The following ADCY5 variants were observed in gnomAD, a reference collection of about 807,000 sequenced individuals.
ADCY5 encodes the protein adenylate cyclase type 5.
Under a neutral mutation model 119.7 loss-of-function variants are expected in ADCY5, and 30 were observed. The ratio of observed to expected loss-of-function variants is 0.25; its 90% CI spans 0.19 to 0.34. ADCY5 has a LOEUF of 0.34. Ranked by LOEUF, ADCY5 falls within the 10% of genes least tolerant of loss-of-function variation. ADCY5 has a pLI of 1.00. For missense variants in ADCY5, 1,324 were observed against 1,775.2 expected (o/e 0.75, Z 4.57); for synonymous variants, 753 against 762.2 (o/e 0.99, Z 0.20).
chr3:123,375,057 C>T (rs61597145), intron 1 of ADCY5, among the ~76,000 whole-genome samples: 10,044 of 152,246 alleles, frequency 0.066, 820 homozygotes, highest in East Asian at 0.25. Context: ...GGAATTAAGC[C>T]TCTCACCATC....
chr3:123,412,630 G>T (rs1253785576), intron 1 of ADCY5, among the ~76,000 whole-genome samples: 1 of 152,104 alleles, frequency 6.6e-6, no homozygotes, highest in African/African-American at 2.4e-5. Context: ...GGTTAATGGG[G>T]GTCTGGTGCA....
chr3:123,311,135 G>A (rs1356530266), intron 12 of ADCY5, among the ~76,000 whole-genome samples: 2 of 152,228 alleles, frequency 1.3e-5, no homozygotes, highest in South Asian at 2.1e-4. Context: ...ACACTAACTG[G>A]CTTGGGGGTA....
intron 1 of ADCY5, among the ~76,000 whole-genome samples, chr3:123,399,956 C>A (rs1367921254): frequency 6.6e-6 from 1 of 152,176 alleles, no homozygotes; most frequent in Non-Finnish European, 1.5e-5. Flanking sequence ...AAGGCAGCTG[C>A]ACAACTAAAG....
chr3:123,442,023 G>A (rs1375655630), intron 1 of ADCY5, among the ~76,000 whole-genome samples: 4 of 147,994 alleles, frequency 2.7e-5, no homozygotes, highest in Non-Finnish European at 5.9e-5. Context: ...TTGCAATTTT[G>A]TGTTTGGGAG....
intron 3 of ADCY5, among the ~76,000 whole-genome samples, chr3:123,337,375 C>T (rs1942073160): frequency 6.6e-6 from 1 of 152,194 alleles, no homozygotes; most frequent in Non-Finnish European, 1.5e-5. Context: ...TGAAAGGTGC[C>T]CCCGGTAGTT....
intron 1 of ADCY5, among the ~76,000 whole-genome samples, chr3:123,429,319 G>A (rs1274272379): frequency 3.9e-5 from 6 of 152,240 alleles, no homozygotes; most frequent in South Asian, 2.1e-4. Flanking sequence ...CCCAAAGACC[G>A]CTAGATGCCA....
intron 1 of ADCY5, among the ~76,000 whole-genome samples, chr3:123,438,285 A>G (rs543642383): frequency 2.6e-5 from 4 of 152,292 alleles, no homozygotes; most frequent in Admixed American, 2.6e-4. Context: ...TACCCATTAC[A>G]TATTAAAAGC....
chr3:123,373,537 A>G (rs763603030), intron 1 of ADCY5, among the ~76,000 whole-genome samples: 1 of 151,616 alleles, frequency 6.6e-6, no homozygotes, highest in Non-Finnish European at 1.5e-5. Context: ...CACAGAAACG[A>G]CTCCTTGCCC....
At chr3:123,314,870 TCTAAGCGCCACCC>T (rs1940819454) in intron 11 of ADCY5, among the ~76,000 whole-genome samples, 1 of 152,166 alleles carries the variant, frequency 6.6e-6, no homozygotes, top group South Asian at 2.1e-4. Flanking sequence ...GGGCAGAATC[TCTAAGCGCCACCC>T]CCTTTCCACC....
At chr3:123,431,579 T>C (rs1945523965) in intron 1 of ADCY5, among the ~76,000 whole-genome samples, 1 of 152,226 alleles carries the variant, frequency 6.6e-6, no homozygotes, top group Admixed American at 6.5e-5. Flanking sequence ...AGATGGTCAG[T>C]CTATCAGCCA....
At chr3:123,395,761 TA>T (rs1031123816) in intron 1 of ADCY5, among the ~76,000 whole-genome samples, 3 of 151,504 alleles carry the variant, frequency 2.0e-5, no homozygotes, top group African/African-American at 7.3e-5. Flanking sequence ...CATGTGCCTG[TA>T]GTCCCAGCTA....
intron 1 of ADCY5, among the ~76,000 whole-genome samples, chr3:123,408,946 G>A (rs187641835): frequency 7.9e-5 from 12 of 152,306 alleles, no homozygotes; most frequent in Non-Finnish European, 1.3e-4. Context: ...CTGCACTCCA[G>A]CCTGGGCAAC....
chr3:123,320,844 G>C (rs1941184201), intron 8 of ADCY5, 73 bp from the exon 9 acceptor site: 1 of 1,135,118 alleles, frequency 8.8e-7, no homozygotes, highest in Non-Finnish European at 1.3e-6. Flanking sequence ...GAGGCGTCTA[G>C]ATGGCTGCAG....
intron 1 of ADCY5, among the ~76,000 whole-genome samples, chr3:123,367,660 T>C (rs943405702): frequency 2.6e-5 from 4 of 151,722 alleles, no homozygotes; most frequent in African/African-American, 9.7e-5. Context: ...GACGAAAGGC[T>C]GGAGTCAGAT....
chr3:123,317,121 A>G (rs1940952072), intron 11 of ADCY5, among the ~76,000 whole-genome samples: 2 of 152,124 alleles, frequency 1.3e-5, no homozygotes. Flanking sequence ...GCGAGACTCT[A>G]ATGTGAATGA....
intron 1 of ADCY5, among the ~76,000 whole-genome samples, chr3:123,416,683 G>C (rs1945191532): frequency 6.6e-6 from 1 of 152,144 alleles, no homozygotes; most frequent in Non-Finnish European, 1.5e-5. Context: ...TCCAGGGCTT[G>C]TGAGGGGAGG....
chr3:123,412,181 G>A (rs1348374404), intron 1 of ADCY5, among the ~76,000 whole-genome samples: 2 of 152,180 alleles, frequency 1.3e-5, no homozygotes, highest in Non-Finnish European at 2.9e-5. Context: ...CAAGGGGCAC[G>A]CTGCGGCAGG....
Position 123,319,668 on chromosome 3 carries a change from C to G in ADCY5, c.2256+6G>C. ...AGGGGCCTCCTTCCCACCCAGGGTGCTGTACCTTCTTCTCTAAGTCAGGCT... is the reference window on the plus strand; with the variant it reads ...AGGGGCCTCCTTCCCACCCAGGGTGGTGTACCTTCTTCTCTAAGTCAGGCT... On this transcript the variant is annotated splice_donor_region_variant and intron_variant, in intron 10 of 20. Coordinates refer to ENST00000462833, the MANE Select transcript of ADCY5 (RefSeq NM_183357.3). 6.2e-7 allele frequency: 1 copy of G among 1,614,066 alleles called. No individual in the cohort carries two copies. Among genetic ancestry groups the G allele is most frequent in the African/African-American group, 1.3e-5 (1 of 75,056 alleles).
At chr3:123,426,316 T>TTG (rs1553749006) in intron 1 of ADCY5, among the ~76,000 whole-genome samples, 19 of 145,870 alleles carry the variant, frequency 1.3e-4, no homozygotes, top group East Asian at 4.0e-4. Context: ...TTTTGTTTGT[T>TTG]TTTGTTTGTT....
Sources: allele counts gnomAD v4.1 joint callset (sites outside exome capture counted in the v4.1 genomes callset), GRCh38; gene constraint gnomAD v4.1.1; transcripts MANE v1.5; gene names NCBI Gene and HGNC (gene_info 2026-07-23, HGNC 2026-07-21).